LCP1: variants seen among roughly 807,000 people sequenced by gnomAD.
LCP1 encodes plastin-2.
Under a neutral mutation model 72.0 loss-of-function variants are expected in LCP1, and 23 were observed. That is an observed-to-expected ratio of 0.32 (90% CI 0.23 to 0.45). The LOEUF is 0.45. Among genes scored for constraint, LCP1 ranks in the 20% least tolerant of loss-of-function variants. The pLI is 1.00. For synonymous variants in LCP1, 245 were observed against 275.4 expected, an observed-to-expected ratio of 0.89 and a Z score of 1.09; for missense variants, 571 against 748.3, an observed-to-expected ratio of 0.76 and a Z score of 2.76.
chr13:46,154,872 A>G lies in LCP1; in HGVS notation c.506T>C (p.Leu169Pro). 6.2e-7 allele frequency: 1 copy of G among 1,613,830 alleles called. No individual in the cohort carries two copies. ...DGIVLCKMINLSVPDTIDERT... is the reference protein window; with the variant it reads ...DGIVLCKMINPSVPDTIDERT... ...TTCATCAATTGTGTCTGGCACTGAC[A>G]GGTTGATCATTTTACTGAAAGAGAA... Residue 169 changes from leucine (L) to proline (P), a missense_variant, in exon 6 of 16, where the codon CTG (leucine) becomes CCG (proline). Leu to Pro is a moderately conservative substitution (Grantham distance 98, BLOSUM62 -3). Transcript: ENST00000323076.
chr13:46,131,590 A>T (rs2045634391), intron 14 of LCP1, among the ~76,000 whole-genome samples: 1 of 152,198 alleles, frequency 6.6e-6, no homozygotes, highest in Non-Finnish European at 1.5e-5. Flanking sequence ...AATAGCAAAG[A>T]TATGGAATCA....
rs565579543 is a variant in LCP1 at position 46,181,251 on chromosome 13, G to A, written c.-25+860C>T. Among the ~76,000 whole-genome samples the A allele has an allele frequency of 3.3e-5, 5 of 152,260 alleles. No homozygotes were observed. In the East Asian group the frequency reaches 9.6e-4, roughly 29 times the overall value. On this transcript the variant is annotated intron_variant, in intron 1 of 15. Coordinates refer to ENST00000323076, the MANE Select transcript of LCP1 (RefSeq NM_002298.5). ...GCTTTTATAGTTATCATTTGTCAAT[G>A]GTTCTTAGTGTTATGTGATAGTGGT...
intron 3 of LCP1, 68 bp downstream of exon 3, chr13:46,158,758 T>C (rs2045819402): frequency 6.2e-7 from 1 of 1,602,474 alleles, no homozygotes. Context: ...TCTTTCTGGA[T>C]ATTTTTTAAA....
intron 13 of LCP1, among the ~76,000 whole-genome samples, chr13:46,141,225 G>C (rs2045695792): frequency 6.6e-6 from 1 of 151,710 alleles, no homozygotes; most frequent in African/African-American, 2.4e-5. Context: ...GTCCAACACG[G>C]TGAAACCCCG....
intron 1 of LCP1, among the ~76,000 whole-genome samples, chr13:46,163,192 G>A (rs1223862383): frequency 1.3e-5 from 2 of 152,270 alleles, no homozygotes; most frequent in Non-Finnish European, 2.9e-5. Flanking sequence ...TTGTGGAACA[G>A]AAAAGGGGGA....
intron 1 of LCP1, among the ~76,000 whole-genome samples, chr13:46,163,369 G>A (rs1215088055): frequency 2.6e-5 from 4 of 152,270 alleles, no homozygotes; most frequent in Admixed American, 2.6e-4. Flanking sequence ...CATGTGCTGT[G>A]TCCACTCAGG....
Position 46,158,928 on chromosome 13 carries a change from G to C in LCP1, c.126C>G (p.Cys42Trp), listed in dbSNP as rs1324817151. The part of the protein sequence containing the change: ...NELNDLFKAA[C>W]LPLPGYRVRE... ...GTACTCTATACCCAGGCAAAGGCAA[G>C]CAAGCAGCCTTGAACAAGTCATTCA... The change falls in exon 3 of 16, where the codon TGC becomes TGG. Residue 42 changes from cysteine to tryptophan, a missense_variant. Physicochemically the swap from Cys to Trp is radical, Grantham distance 215 (BLOSUM62 -2). Coordinates refer to ENST00000323076, the MANE Select transcript of LCP1 (RefSeq NM_002298.5). 1 of 1,614,010 alleles carries C rather than the reference G, an allele frequency of 6.2e-7. No homozygotes were observed. Among genetic ancestry groups the C allele is most frequent in the South Asian group, 1.1e-5 (1 of 91,090 alleles).
rs1296950400 is a variant in LCP1 at position 46,159,669 on chromosome 13, T to C, written c.-7A>G. The C allele has an allele frequency of 1.1e-5, 17 of 1,612,404 alleles. No individual in the cohort carries two copies. The highest frequency in any genetic ancestry group is 1.4e-5 in the Non-Finnish European group (17 of 1,178,444). On this transcript the variant is annotated 5_prime_UTR_variant, in exon 2 of 16. Transcript: ENST00000323076. ...ACACTGATCCTCTGGCCATTTTTTA[T>C]TGCTTTAGGTAACAGATCTGGAGAG...
At chr13:46,137,763 G>C (rs78616345) in intron 13 of LCP1, among the ~76,000 whole-genome samples, 1 of 152,332 alleles carries the variant, frequency 6.6e-6, no homozygotes, top group East Asian at 1.9e-4. Context: ...TTTGTAAAAT[G>C]TGCTGTGCTG....
At chr13:46,163,632 T>TAAAA (rs1566444167) in intron 1 of LCP1, among the ~76,000 whole-genome samples, 47 of 111,278 alleles carry the variant, frequency 4.2e-4, no homozygotes, top group African/African-American at 2.2e-3. Flanking sequence ...GAATGATCAA[T>TAAAA]TAAAAAAAAA....
At chr13:46,150,792 G>T in intron 8 of LCP1, 144 bp downstream of exon 8, 2 of 854,754 alleles carry the variant, frequency 2.3e-6, no homozygotes, top group Admixed American at 2.6e-5. Context: ...GGGCTCTCAA[G>T]GACAGTGAGC....
At chr13:46,155,985 AG>A (rs1277618808) in intron 5 of LCP1, among the ~76,000 whole-genome samples, 2 of 152,202 alleles carry the variant, frequency 1.3e-5, no homozygotes, top group African/African-American at 4.8e-5. Context: ...ATTATAGAAG[AG>A]ACTATCTATG....
chr13:46,128,688 G>A (rs938464328), intron 15 of LCP1, among the ~76,000 whole-genome samples: 1 of 151,830 alleles, frequency 6.6e-6, no homozygotes, highest in Non-Finnish European at 1.5e-5. Flanking sequence ...ACTTATTTAT[G>A]GTACTATAAT....
At chr13:46,154,131 G>A (rs1300174392) in intron 6 of LCP1, among the ~76,000 whole-genome samples, 2 of 152,184 alleles carry the variant, frequency 1.3e-5, no homozygotes, top group African/African-American at 4.8e-5. Context: ...AAGATTATGA[G>A]TAAATTTAAC....
chr13:46,175,412 A>G (rs909264741), intron 1 of LCP1, among the ~76,000 whole-genome samples: 3 of 152,240 alleles, frequency 2.0e-5, no homozygotes, highest in Non-Finnish European at 4.4e-5. Flanking sequence ...ATTTACCAAG[A>G]GCCCAGAATA....
chr13:46,135,253 A>C (rs1455218705), intron 13 of LCP1, among the ~76,000 whole-genome samples: 1 of 152,142 alleles, frequency 6.6e-6, no homozygotes, highest in Non-Finnish European at 1.5e-5. Flanking sequence ...TGTGGACTTC[A>C]TGGTTCAGGT....
Position 46,154,839 on chromosome 13 carries a change from A to T in LCP1, c.539T>A (p.Ile180Asn). The T allele has an allele frequency of 6.2e-7, 1 of 1,614,090 alleles. No homozygotes were observed. The highest frequency in any genetic ancestry group is 8.5e-7 in the Non-Finnish European group (1 of 1,179,952). The change falls in exon 6 of 16, where the codon ATC (isoleucine) becomes AAC (asparagine). Residue 180 changes from isoleucine to asparagine, a missense_variant. Coordinates refer to ENST00000323076, the MANE Select transcript of LCP1 (RefSeq NM_002298.5). The part of the protein sequence containing the change: ...SVPDTIDERT[I>N]NKKKLTPFTI... ...GAAAGGGGTTAGCTTCTTTTTGTTG[A>T]TTGTTCTTTCATCAATTGTGTCTGG...
intron 13 of LCP1, among the ~76,000 whole-genome samples, chr13:46,141,893 G>A (rs143484437): frequency 1.8e-4 from 27 of 152,202 alleles, no homozygotes; most frequent in Admixed American, 1.7e-3. Flanking sequence ...GAAGTAAAAG[G>A]ATGGTAAAAA....
intron 8 of LCP1, chr13:46,148,875 T>C (rs2045746633): frequency 1.9e-6 from 1 of 539,920 alleles, no homozygotes; most frequent in Non-Finnish European, 2.4e-6. Flanking sequence ...TTAAAATACA[T>C]TTAAATGGAC....
Sources: gnomAD v4.1 joint callset for allele counts (sites outside exome capture counted in the v4.1 genomes callset) on GRCh38, gnomAD v4.1.1 for gene constraint, MANE v1.5 for transcripts, NCBI Gene and HGNC (gene_info 2026-07-23, HGNC 2026-07-21) for gene names.